Variants in NLRP1 observed in about 807,000 individuals in gnomAD.
The protein encoded by NLRP1 is NLR family pyrin domain containing 1, also known as NACHT, LRR and PYD domains-containing protein 1.
In NLRP1, 94 loss-of-function variants were observed where a neutral mutation model predicts 136.7. The observed-to-expected ratio is 0.69, with a 90% CI of 0.58 to 0.82. The LOEUF (loss-of-function observed/expected upper bound fraction) is 0.82. Ranked by LOEUF, NLRP1 falls within the 40% of genes least tolerant of loss-of-function variation. NLRP1 has a pLI of 0.00. For missense variants in NLRP1, 1,575 were observed against 1,802.7 expected (o/e 0.87, Z 2.29); for synonymous variants, 690 against 725.1 (o/e 0.95, Z 0.78).
In NLRP1 at chr17:5,559,814, G is replaced by C. The variant is rs1914523777; in HGVS notation, c.882C>G (p.Pro294=). ...AATCAGGCCAGCTTCTCTTGACCAG[G>C]GGATCTTGGCTTCTGGGGTGAGGTC... The part of the protein sequence containing the change: ...LQRPHPRSQD[P]LVKRSWPDYV... The change falls in exon 4 of 17, where the codon CCC becomes CCG. Residue 294 remains proline (P), a synonymous_variant. Coordinates refer to ENST00000572272, the MANE Select transcript of NLRP1 (RefSeq NM_033004.4). The C allele has an allele frequency of 6.2e-7, 1 of 1,614,080 alleles. No individual in the cohort carries two copies. Among genetic ancestry groups the C allele is most frequent in the African/African-American group, 1.3e-5 (1 of 74,934 alleles).
Position 5,532,953 on chromosome 17 carries a change from T to A in NLRP1, c.3165A>T (p.Glu1055Asp), listed in dbSNP as rs767084177. 1.9e-6 allele frequency: 3 copies of A among 1,613,654 alleles called. No homozygotes were observed. In the South Asian group the frequency reaches 3.3e-5, roughly 18 times the overall value. The change falls in exon 11 of 17, where the codon GAA (glutamate) becomes GAT (aspartate). Residue 1055 changes from glutamate (E) to aspartate (D), a missense_variant. By Grantham distance (45) the Glu-to-Asp change is conservative. Transcript: ENST00000572272. Reference sequence around the variant, plus strand: ...AGGCAGGAGAAGGCACGCACAAGAGTTCCACCGGTACTACCTCTGGGGAGC... The same window carrying A: ...AGGCAGGAGAAGGCACGCACAAGAGATCCACCGGTACTACCTCTGGGGAGC... ...EESSPEVVPVELLCVPSPASQ... is the reference protein window; with the variant it reads ...EESSPEVVPVDLLCVPSPASQ...
At chr17:5,562,892 A>G (rs1349525452) in intron 3 of NLRP1, among the ~76,000 whole-genome samples, 1 of 152,106 alleles carries the variant, frequency 6.6e-6, no homozygotes, top group African/African-American at 2.4e-5. Flanking sequence ...GACTGGGAAC[A>G]CCTTGGCCCC....
rs1567662565 is a variant in NLRP1 at position 5,559,949 on chromosome 17, C to T, written c.747G>A (p.Gln249=). ...AAGGCTCCCATGGGTGGTGGTGGGG[C>T]TGTAGGCTGGTGTGCGCCTGTGGGG... The part of the protein sequence containing the change: ...GTPPQAHTSL[Q]PHHHPWEPSV... Residue 249 remains glutamine, a synonymous_variant, in exon 4 of 17, where the codon CAG becomes CAA. Coordinates refer to ENST00000572272, the MANE Select transcript of NLRP1 (RefSeq NM_033004.4). 1 of 1,614,206 alleles carries T rather than the reference C, an allele frequency of 6.2e-7. No individual in the cohort carries two copies. Among genetic ancestry groups the T allele is most frequent in the East Asian group, 2.2e-5 (1 of 44,884 alleles).
intron 11 of NLRP1, 35 bp from the exon 12 acceptor site, chr17:5,530,739 A>C: frequency 6.5e-7 from 1 of 1,547,690 alleles, no homozygotes; most frequent in East Asian, 2.2e-5. Context: ...CACTTACTGC[A>C]CGAACTCACT....
intron 3 of NLRP1, among the ~76,000 whole-genome samples, chr17:5,569,594 T>A (rs1915663021): frequency 6.6e-6 from 1 of 152,102 alleles, no homozygotes; most frequent in South Asian, 2.1e-4. Flanking sequence ...TATATATGCA[T>A]CCAATACAGG....
chr17:5,532,556 C>T, intron 11 of NLRP1, among the ~76,000 whole-genome samples: 1 of 152,154 alleles, frequency 6.6e-6, no homozygotes, highest in East Asian at 1.9e-4. Flanking sequence ...GTGGCTGAAG[C>T]TGGGTGATGG....
intron 15 of NLRP1, chr17:5,505,498 C>G (rs114202029): frequency 6.6e-6 from 1 of 152,440 alleles, no homozygotes; most frequent in East Asian, 1.9e-4. Context: ...TCCAAGCCCC[C>G]CTACCCTCCC....
At chr17:5,524,569 C>T (rs1909297833) in intron 12 of NLRP1, among the ~76,000 whole-genome samples, 1 of 152,238 alleles carries the variant, frequency 6.6e-6, no homozygotes, top group African/African-American at 2.4e-5. Context: ...AGTTGCTTCT[C>T]CAAGAGGCGA....
intron 4 of NLRP1, among the ~76,000 whole-genome samples, chr17:5,557,680 G>A (rs988261779): frequency 1.2e-4 from 18 of 152,222 alleles, no homozygotes; most frequent in African/African-American, 4.3e-4. Flanking sequence ...TCGATACCAC[G>A]ACAGAGGTCG....
At position 5,541,087 on chromosome 17, in the gene NLRP1, C is replaced by T. The variant is rs1187007960; in HGVS notation, c.2699+770G>A. ...TAAGAAGGAGTCTCGCTCTGTTGCC[C>T]AGGCTGGAGTGTAATGAGGTGATTT... is the stretch of plus-strand genomic sequence containing the variant. On this transcript the variant is annotated intron_variant, in intron 6 of 16. Transcript: ENST00000572272. The surrounding 1 kb of genome is among the most constrained non-coding windows in gnomAD (Gnocchi z 4.2). 2.0e-5 allele frequency among the ~76,000 whole-genome samples: 3 copies of T among 152,144 alleles called. No homozygotes were observed. The highest frequency in any genetic ancestry group is 4.4e-5 in the Non-Finnish European group (3 of 68,032).
At chr17:5,501,790 G>T in exon 16 of NLRP1, 1 of 1,606,918 alleles carries the variant, frequency 6.2e-7, no homozygotes, top group Non-Finnish European at 8.5e-7. Context: ...TGGCTTCATT[G>T]GTACTGCCGC....
chr17:5,520,912 G>A lies in NLRP1; in HGVS notation c.3884C>T (p.Ser1295Phe). 1 of 1,610,760 alleles carries A rather than the reference G, an allele frequency of 6.2e-7. No homozygotes were observed. Among genetic ancestry groups the A allele is most frequent in the Non-Finnish European group, 8.5e-7 (1 of 1,178,208 alleles). ...GAGTATTTCCAGCATCCCTGAACCA[G>A]ACCCAGACACAGTGTAACGACAGCC... ...YMGCRYTVSG[S>F]GSGMLEILPK... Residue 1295 changes from serine (S) to phenylalanine (F), a missense_variant, in exon 14 of 17, where the codon TCT becomes TTT. Physicochemically the swap from Ser to Phe is radical, Grantham distance 155. Transcript: ENST00000572272.
intron 6 of NLRP1, among the ~76,000 whole-genome samples, chr17:5,540,984 CTT>C (rs752132168): frequency 6.6e-6 from 1 of 152,178 alleles, no homozygotes; most frequent in Non-Finnish European, 1.5e-5. Context: ...GTGTGTATAA[CTT>C]TGTGCATCAA....
chr17:5,579,447 T>C (rs1041850905), intron 3 of NLRP1, among the ~76,000 whole-genome samples: 4 of 152,098 alleles, frequency 2.6e-5, no homozygotes, highest in African/African-American at 7.2e-5. Flanking sequence ...ATAACAGATA[T>C]TGGTGAGATT....
intron 4 of NLRP1, among the ~76,000 whole-genome samples, chr17:5,555,262 A>G (rs1913905145): frequency 6.6e-6 from 1 of 152,168 alleles, no homozygotes; most frequent in Non-Finnish European, 1.5e-5. Flanking sequence ...CCATCCTGTC[A>G]TCTTCATTTC....
chr17:5,567,858 C>T (rs983511417), intron 3 of NLRP1, among the ~76,000 whole-genome samples: 9 of 152,120 alleles, frequency 5.9e-5, no homozygotes, highest in Non-Finnish European at 8.8e-5. Flanking sequence ...GTTTTCTTTC[C>T]TTCAGAACTT....
chr17:5,507,232 T>C (rs1334000142), intron 15 of NLRP1, among the ~76,000 whole-genome samples: 1 of 152,212 alleles, frequency 6.6e-6, no homozygotes, highest in East Asian at 1.9e-4. Flanking sequence ...AATCATAAAC[T>C]ATATTATAGA....
intron 3 of NLRP1, among the ~76,000 whole-genome samples, chr17:5,566,260 ATTGT>A (rs1915323362): frequency 2.0e-5 from 3 of 151,456 alleles, no homozygotes; most frequent in Middle Eastern, 3.4e-3. Context: ...GCATCATTAG[ATTGT>A]TTATTTGAAG....
At chr17:5,561,917 C>T (rs916685839) in intron 3 of NLRP1, among the ~76,000 whole-genome samples, 11 of 152,206 alleles carry the variant, frequency 7.2e-5, no homozygotes, top group Admixed American at 2.0e-4. Context: ...GGCAAACTCC[C>T]GGTTCCCCGA....
Sources: allele counts gnomAD v4.1 joint callset (sites outside exome capture counted in the v4.1 genomes callset), GRCh38; gene constraint gnomAD v4.1.1; non-coding constraint Gnocchi (gnomAD v3.1); transcripts MANE v1.5; gene names NCBI Gene and HGNC (gene_info 2026-07-23, HGNC 2026-07-21).